The following SAMMSON variants were observed in gnomAD, a reference collection of about 807,000 sequenced individuals.
SAMMSON encodes the protein survival associated mitochondrial melanoma specific oncogenic non-coding RNA, also known as long intergenic non-protein coding RNA 1212.
At chr3:70,150,131 G>C (rs2106686553) in intron 4 of SAMMSON, among the ~76,000 whole-genome samples, 1 of 152,088 alleles carries the variant, frequency 6.6e-6, no homozygotes. Flanking sequence ...TATGACTGTA[G>C]AGGTTTTTCG....
chr3:70,162,416 T>C (rs1204354473), intron 4 of SAMMSON, among the ~76,000 whole-genome samples: 1 of 151,948 alleles, frequency 6.6e-6, no homozygotes, highest in Non-Finnish European at 1.5e-5. Context: ...AGAAATATGT[T>C]GTTTAATTTC....
At chr3:70,311,408 C>T (rs1376726497) in intron 7 of SAMMSON, among the ~76,000 whole-genome samples, 7 of 152,130 alleles carry the variant, frequency 4.6e-5, no homozygotes, top group East Asian at 3.9e-4. Flanking sequence ...TTTACGCATG[C>T]GGAGCCCATG....
intron 4 of SAMMSON, among the ~76,000 whole-genome samples, chr3:70,103,843 G>T (rs752808909): frequency 6.6e-6 from 1 of 152,112 alleles, no homozygotes; most frequent in South Asian, 2.1e-4. Flanking sequence ...TGCAAAAAAT[G>T]AGCGTTATTA....
intron 4 of SAMMSON, among the ~76,000 whole-genome samples, chr3:70,128,015 C>T (rs1041807507): frequency 6.6e-6 from 1 of 152,166 alleles, no homozygotes; most frequent in East Asian, 1.9e-4. Flanking sequence ...GGATAACGTT[C>T]CTGGGTCAGG....
At chr3:70,324,476 A>C (rs1365733779) in intron 7 of SAMMSON, among the ~76,000 whole-genome samples, 1 of 151,932 alleles carries the variant, frequency 6.6e-6, no homozygotes, top group Non-Finnish European at 1.5e-5. Flanking sequence ...AACTGAAATC[A>C]TCCCCTCCCC....
At chr3:70,234,675 G>A (rs1323639626) in intron 4 of SAMMSON, among the ~76,000 whole-genome samples, 1 of 151,762 alleles carries the variant, frequency 6.6e-6, no homozygotes, top group East Asian at 1.9e-4. Context: ...GCTTAATAGA[G>A]CTATGGTCAC....
intron 7 of SAMMSON, among the ~76,000 whole-genome samples, chr3:70,343,431 G>A (rs528006578): frequency 1.8e-4 from 28 of 152,026 alleles, no homozygotes; most frequent in African/African-American, 6.8e-4. Flanking sequence ...TGATGACTTT[G>A]ACAATTTCAA....
At chr3:70,158,116 A>G (rs2067599519) in intron 4 of SAMMSON, among the ~76,000 whole-genome samples, 1 of 152,122 alleles carries the variant, frequency 6.6e-6, no homozygotes, top group African/African-American at 2.4e-5. Context: ...AAGTAAATTT[A>G]CCAAGTTGTG....
chr3:70,229,627 A>G (rs1328160997), intron 4 of SAMMSON, among the ~76,000 whole-genome samples: 4 of 152,150 alleles, frequency 2.6e-5, no homozygotes, highest in African/African-American at 9.7e-5. Context: ...TTCACGTTTT[A>G]TTCTCTACTT....
intron 8 of SAMMSON, among the ~76,000 whole-genome samples, chr3:70,356,867 C>CT (rs1464721852): frequency 2.0e-5 from 3 of 151,978 alleles, no homozygotes; most frequent in Non-Finnish European, 4.4e-5. Flanking sequence ...ACAGATGGCA[C>CT]TTTTTTTGAG....
intron 9 of SAMMSON, among the ~76,000 whole-genome samples, chr3:70,359,499 C>CA (rs1428467411): frequency 6.6e-6 from 1 of 152,042 alleles, no homozygotes; most frequent in African/African-American, 2.4e-5. Context: ...AAAAGCTCCA[C>CA]AAAAAAGCTG....
At chr3:70,212,507 T>A (rs1701361093) in intron 4 of SAMMSON, among the ~76,000 whole-genome samples, 1 of 152,122 alleles carries the variant, frequency 6.6e-6, no homozygotes, top group African/African-American at 2.4e-5. Context: ...TCTTATTTAT[T>A]CTTCCTACTA....
rs146570619 is a variant in SAMMSON at position 70,036,063 on chromosome 3, G to A, written n.417+22391G>A. Among the ~76,000 whole-genome samples, 470 of 152,150 alleles carry A rather than the reference G, an allele frequency of 3.1e-3. 10 individuals are homozygous for A. The highest frequency in any genetic ancestry group is 0.027 in the Admixed American group (408 of 15,272). On this transcript the variant is annotated intron_variant and non_coding_transcript_variant, in intron 3 of 9. Transcript: ENST00000642114. The stretch of plus-strand genomic sequence containing the variant: ...CAATGGGCTTACAGTCAGATAAAAT[G>A]GTTTTAATTTTTTTAAGCTAAATGA...
chr3:70,117,570 C>G (rs2067416595), intron 4 of SAMMSON, among the ~76,000 whole-genome samples: 1 of 152,252 alleles, frequency 6.6e-6, no homozygotes, highest in Admixed American at 6.5e-5. Flanking sequence ...TTATAGAGCC[C>G]TTGTTCCATG....
chr3:70,317,440 C>A (rs1702502935), intron 7 of SAMMSON, among the ~76,000 whole-genome samples: 1 of 151,722 alleles, frequency 6.6e-6, no homozygotes, highest in Non-Finnish European at 1.5e-5. Flanking sequence ...CTATTGTACA[C>A]TTAATAGACT....
intron 3 of SAMMSON, among the ~76,000 whole-genome samples, chr3:70,043,624 T>C (rs9856462): frequency 0.42 from 63,200 of 151,788 alleles, 13,767 homozygotes; most frequent in East Asian, 0.62. Flanking sequence ...TAAAGTGATA[T>C]CATTTCTGAC....
At chr3:70,121,226 G>T (rs1057192969) in intron 4 of SAMMSON, among the ~76,000 whole-genome samples, 1 of 152,192 alleles carries the variant, frequency 6.6e-6, no homozygotes, top group Non-Finnish European at 1.5e-5. Context: ...CACAGATGAA[G>T]CTCCACTTGC....
intron 7 of SAMMSON, among the ~76,000 whole-genome samples, chr3:70,342,422 T>A (rs1702717900): frequency 6.6e-6 from 1 of 152,196 alleles, no homozygotes; most frequent in Admixed American, 6.5e-5. Context: ...TTAGAATTCA[T>A]GAATAATTGA....
At chr3:70,014,982 A>T (rs2066975987) in intron 3 of SAMMSON, 1 of 152,222 alleles carries the variant, frequency 6.6e-6, no homozygotes, top group Admixed American at 6.5e-5. Flanking sequence ...GCAAATTTAG[A>T]TGTAAAACCA....
Sources: gnomAD v4.1 joint callset for allele counts (sites outside exome capture counted in the v4.1 genomes callset) on GRCh38, gnomAD v4.1.1 for gene constraint, MANE v1.5 for transcripts, NCBI Gene and HGNC (gene_info 2026-07-23, HGNC 2026-07-21) for gene names.